TPST2: variants seen among roughly 807,000 people sequenced by gnomAD.
TPST2 encodes the protein protein-tyrosine sulfotransferase 2.
In TPST2, 16 loss-of-function variants were observed where a neutral mutation model predicts 27.8. That is an observed-to-expected ratio of 0.58 (90% CI 0.39 to 0.88). The LOEUF (loss-of-function observed/expected upper bound fraction) is 0.88. Among genes scored for constraint, TPST2 ranks in the 40% least tolerant of loss-of-function variants. The probability of loss-of-function intolerance (pLI) is 0.00; values close to 1 mark genes in which losing one functional copy is unlikely to be tolerated. For missense variants in TPST2, 464 were observed against 543.1 expected (o/e 0.85, Z 1.45); for synonymous variants, 229 against 231.7 (o/e 0.99, Z 0.10).
chr22:26,537,806 G>A (rs1216664756), intron 3 of TPST2, among the ~76,000 whole-genome samples: 4 of 151,810 alleles, frequency 2.6e-5, no homozygotes, highest in Admixed American at 6.6e-5. Flanking sequence ...CTGTGCACAC[G>A]CTCTCTCTCT....
At chr22:26,586,931 A>G (rs572930124) in intron 1 of TPST2, among the ~76,000 whole-genome samples, 36 of 152,304 alleles carry the variant, frequency 2.4e-4, no homozygotes, top group Admixed American at 1.8e-3. Flanking sequence ...AGGAGGGGGA[A>G]GATGTCTGTG....
intron 4 of TPST2, among the ~76,000 whole-genome samples, chr22:26,535,091 T>C (rs1407502516): frequency 6.6e-6 from 1 of 152,230 alleles, no homozygotes; most frequent in Non-Finnish European, 1.5e-5. Flanking sequence ...AAATTCTCTT[T>C]GTTAAAGAGA....
chr22:26,577,945 T>C lies in TPST2; in HGVS notation c.-161+12108A>G, dbSNP rs531074488. ...CTAGGATTACAGGCATTAGCCACCA[T>C]GCCTGGCCGAGTTTCATTTCTTAGA... is the stretch of plus-strand genomic sequence containing the variant. On this transcript the variant is annotated intron_variant, in intron 1 of 6. Transcript: ENST00000338754. Among the ~76,000 whole-genome samples the C allele has an allele frequency of 4.6e-5, 7 of 152,232 alleles. No individual in the cohort carries two copies. In the South Asian group the frequency reaches 1.5e-3, roughly 32 times the overall value.
intron 1 of TPST2, chr22:26,555,076 C>T (rs978883468): frequency 3.9e-6 from 2 of 518,786 alleles, no homozygotes; most frequent in Non-Finnish European, 7.7e-6. Flanking sequence ...TTTCCTGGGG[C>T]CTGCCCTCAA....
intron 1 of TPST2, among the ~76,000 whole-genome samples, chr22:26,568,924 C>T (rs560499431): frequency 1.5e-5 from 2 of 136,150 alleles, no homozygotes; most frequent in East Asian, 2.2e-4. Flanking sequence ...AGTGCAGTGG[C>T]CCGATCTCGG....
At position 26,557,307 on chromosome 22, in the gene TPST2, G is replaced by T. The variant is rs183263313; in HGVS notation, c.-160-12632C>A. Among the ~76,000 whole-genome samples, 578 of 152,312 alleles carry T rather than the reference G, an allele frequency of 3.8e-3. 10 individuals are homozygous for T. Among genetic ancestry groups the T allele is most frequent in the East Asian group, 1.3e-3 (7 of 5,186 alleles). On this transcript the variant is annotated intron_variant, in intron 1 of 6. Coordinates refer to ENST00000338754, the MANE Select transcript of TPST2 (RefSeq NM_003595.5). ...TGCCAGCCAGACTGGGCGTGCACCT[G>T]CATCTACCCCAGACCCTTGGCAGCA...
At position 26,536,328 on chromosome 22, in the gene TPST2, T is replaced by C; in HGVS notation, c.1001A>G (p.Tyr334Cys). 1.2e-6 allele frequency: 2 copies of C among 1,613,976 alleles called. No individual in the cohort carries two copies. The highest frequency in any genetic ancestry group is 8.5e-7 in the Non-Finnish European group (1 of 1,179,960). Reference protein sequence around the residue: ...GYDPYANPPNYGNPDPFVINN... With the variant: ...GYDPYANPPNCGNPDPFVINN... Reference sequence around the variant, plus strand: ...GATGACGAAGGGGTCAGGGTTGCCATAGTTGGGGGGGTTTGCATAAGGGTC... The same window carrying C: ...GATGACGAAGGGGTCAGGGTTGCCACAGTTGGGGGGGTTTGCATAAGGGTC... The change falls in exon 4 of 7, where the codon TAT becomes TGT. Residue 334 changes from tyrosine (Y) to cysteine (C), a missense_variant. Tyr to Cys is a radical substitution (Grantham distance 194). Transcript: ENST00000338754.
At chr22:26,577,656 T>C (rs1437328450) in intron 1 of TPST2, among the ~76,000 whole-genome samples, 1 of 144,130 alleles carries the variant, frequency 6.9e-6, no homozygotes, top group South Asian at 2.3e-4. Flanking sequence ...GCCATTTTTT[T>C]TTTTTTTTTT....
chr22:26,583,789 A>G (rs1320992756), intron 1 of TPST2, among the ~76,000 whole-genome samples: 2 of 152,208 alleles, frequency 1.3e-5, no homozygotes, highest in Non-Finnish European at 2.9e-5. Flanking sequence ...GCAAGGAACC[A>G]AGATCATGCC....
rs1333116975 is a variant in TPST2 at position 26,572,526 on chromosome 22, CCTAG to C, written c.-161+17523_-161+17526del. On this transcript the variant is annotated intron_variant, in intron 1 of 6. Coordinates refer to ENST00000338754, the MANE Select transcript of TPST2 (RefSeq NM_003595.5). Reference sequence around the variant, plus strand: ...GTTTCTGTCTCTGTTTATCAAGAGTCCTAGCTAATAGATGGGTCCATACCCTCTT... The same window carrying C: ...GTTTCTGTCTCTGTTTATCAAGAGTCCTAATAGATGGGTCCATACCCTCTT... Among the ~76,000 whole-genome samples, 4 of 152,108 alleles carry C rather than the reference CCTAG, an allele frequency of 2.6e-5. No homozygotes were observed. The South Asian group carries it at 6.2e-4, about 24-fold the overall frequency.
chr22:26,569,556 G>C (rs1927518365), intron 1 of TPST2, among the ~76,000 whole-genome samples: 1 of 152,202 alleles, frequency 6.6e-6, no homozygotes, highest in South Asian at 2.1e-4. Context: ...GCTGAGGCAA[G>C]AGGATCACTT....
intron 1 of TPST2, among the ~76,000 whole-genome samples, chr22:26,563,348 T>A (rs1602289322): frequency 2.3e-5 from 3 of 129,694 alleles, no homozygotes; most frequent in South Asian, 2.6e-4. Context: ...TTTTTTTTTT[T>A]AAGACAGAGT....
intron 2 of TPST2, 128 bp downstream of exon 2, chr22:26,544,476 G>A: frequency 3.2e-6 from 1 of 315,494 alleles, no homozygotes; most frequent in Non-Finnish European, 4.6e-6. Context: ...GAACAGAAAG[G>A]TGAAAACCAG....
intron 1 of TPST2, among the ~76,000 whole-genome samples, chr22:26,566,290 C>G (rs568317636): frequency 2.6e-5 from 4 of 152,118 alleles, no homozygotes; most frequent in African/African-American, 9.6e-5. Context: ...CGGTGGCTCA[C>G]GCCTGTAATC....
chr22:26,559,465 TCA>T (rs1488134236), intron 1 of TPST2, among the ~76,000 whole-genome samples: 3 of 147,660 alleles, frequency 2.0e-5, no homozygotes, highest in African/African-American at 7.3e-5. Context: ...AGTAGTACAC[TCA>T]CAGAGTTTTC....
At chr22:26,548,578 A>AAAGG (rs34710156) in intron 1 of TPST2, among the ~76,000 whole-genome samples, 27,101 of 146,980 alleles carry the variant, frequency 0.18, 2,920 homozygotes, top group Non-Finnish European at 0.25. Flanking sequence ...AGAGAAAGAA[A>AAAGG]AAGGAAGGAA....
intron 1 of TPST2, among the ~76,000 whole-genome samples, chr22:26,562,902 C>T (rs1322209990): frequency 2.6e-5 from 4 of 152,074 alleles, no homozygotes; most frequent in Admixed American, 6.6e-5. Context: ...GGACCAGGGG[C>T]GATTTTGCCA....
chr22:26,536,267 C>G (rs377701433), intron 4 of TPST2, 21 bp downstream of exon 4: 2 of 1,613,804 alleles, frequency 1.2e-6, no homozygotes, highest in African/African-American at 1.3e-5. Flanking sequence ...TACACTTCCA[C>G]AAGTACAGGT....
intron 1 of TPST2, among the ~76,000 whole-genome samples, chr22:26,575,258 T>C (rs1454203047): frequency 6.6e-6 from 1 of 152,144 alleles, no homozygotes; most frequent in Non-Finnish European, 1.5e-5. Flanking sequence ...AGGGCATCCA[T>C]AAACATTGGC....
Sources: gnomAD v4.1 joint callset for allele counts (sites outside exome capture counted in the v4.1 genomes callset) on GRCh38, gnomAD v4.1.1 for gene constraint, MANE v1.5 for transcripts, NCBI Gene and HGNC (gene_info 2026-07-23, HGNC 2026-07-21) for gene names.